HEPH: variants seen among roughly 807,000 people sequenced by gnomAD.
HEPH encodes hephaestin.
In HEPH, 69 loss-of-function variants were observed where a neutral mutation model predicts 80.8. That is an observed-to-expected ratio of 0.85 (90% confidence interval 0.70 to 1.04). HEPH has a LOEUF of 1.04. Ranked by LOEUF, HEPH falls within the 50% of genes least tolerant of loss-of-function variation. The probability of loss-of-function intolerance (pLI) is 0.00; values close to 1 mark genes in which losing one functional copy is unlikely to be tolerated. For missense variants in HEPH, 1,115 were observed against 891.3 expected (o/e 1.25, Z -3.20); for synonymous variants, 431 against 322.8 (o/e 1.34, Z -3.60).
chrX:66,209,065 C>G (rs1850239579), intron 15 of HEPH, among the ~76,000 whole-genome samples: 1 of 111,598 alleles, frequency 9.0e-6, no homozygotes. Flanking sequence ...GTGACAAGAA[C>G]AACTTTAGAA....
chrX:66,204,256 A>G (rs964428415), intron 13 of HEPH, among the ~76,000 whole-genome samples: 1 of 112,112 alleles, frequency 8.9e-6, no homozygotes, highest in Non-Finnish European at 1.9e-5. Flanking sequence ...GGCTGCAAAA[A>G]GAGTCTAAAA....
At chrX:66,213,451 T>C (rs2089242622) in intron 15 of HEPH, among the ~76,000 whole-genome samples, 1 of 111,948 alleles carries the variant, frequency 8.9e-6, no homozygotes, top group Non-Finnish European at 1.9e-5. Context: ...GTGGCACATA[T>C]ACACCATGGA....
rs762461303 is a variant in HEPH at position 66,186,561 on chromosome X, C to T, written c.626-1798C>T. The stretch of plus-strand genomic sequence containing the variant: ...GGCAATGCCTTGCCCTGCTTCGGCT[C>T]GCGCATGGTGCGCACACACACTGGC... On this transcript the variant is annotated intron_variant, in intron 4 of 20. Coordinates refer to ENST00000343002, the MANE Select transcript of HEPH (RefSeq NM_001367233.3). Among the ~76,000 whole-genome samples the T allele has an allele frequency of 3.3e-4, 37 of 112,927 alleles. No individual in the cohort carries two copies. In the South Asian group the frequency reaches 0.012, roughly 37 times the overall value.
chrX:66,216,404 A>G (rs1569348030), intron 15 of HEPH, among the ~76,000 whole-genome samples: 1 of 112,182 alleles, frequency 8.9e-6, no homozygotes, highest in Non-Finnish European at 1.9e-5. Context: ...GACGGATTAT[A>G]TCTCAAGATT....
At chrX:66,230,804 T>G (rs201178266) in intron 15 of HEPH, among the ~76,000 whole-genome samples, 15 of 100,349 alleles carry the variant, frequency 1.5e-4, no homozygotes, top group African/African-American at 1.8e-4. Flanking sequence ...GTCAATTTTG[T>G]CTTTTGTTGC....
In HEPH at chrX:66,234,926, G is replaced by A. The variant is rs1285511671; in HGVS notation, c.2564-20109G>A. ...AGCCTCCTAAAAAGCTGGGATTACA[G>A]GCGTGAACCACCACACCTGGCCATT... On this transcript the variant is annotated intron_variant, in intron 15 of 20. Transcript: ENST00000343002. 3.6e-5 allele frequency among the ~76,000 whole-genome samples: 4 copies of A among 110,875 alleles called. No homozygotes were observed. In the Admixed American group the frequency reaches 3.8e-4, roughly 11 times the overall value.
intron 1 of HEPH, among the ~76,000 whole-genome samples, chrX:66,168,617 G>C (rs753145810): frequency 8.9e-6 from 1 of 112,030 alleles, no homozygotes; most frequent in South Asian, 3.8e-4. Flanking sequence ...GGAGAGGACT[G>C]AGAGTTTGTG....
intron 15 of HEPH, among the ~76,000 whole-genome samples, chrX:66,237,669 T>C (rs1322402853): frequency 1.8e-5 from 2 of 112,241 alleles, no homozygotes; most frequent in Non-Finnish European, 3.8e-5. Flanking sequence ...ACATGTTGAA[T>C]ATCTTTGTTC....
chrX:66,203,696 T>G (rs2088606375), intron 13 of HEPH, 119 bp downstream of exon 13: 1 of 574,788 alleles, frequency 1.7e-6, no homozygotes, highest in Admixed American at 3.5e-5. Flanking sequence ...ACCAACAGAT[T>G]TGGGAGATGG....
intron 10 of HEPH, 73 bp from the exon 11 acceptor site, chrX:66,198,805 C>A: frequency 1.3e-6 from 1 of 790,575 alleles, no homozygotes; most frequent in Admixed American, 2.5e-5. Context: ...ATCCCTTGAT[C>A]TGTAACGACA....
chrX:66,266,686 G>A lies in HEPH; in HGVS notation c.*14G>A. 1 of 1,138,347 alleles carries A rather than the reference G, an allele frequency of 8.8e-7. No homozygotes were observed. The highest frequency in any genetic ancestry group is 1.2e-6 in the Non-Finnish European group (1 of 831,353). 93.8% of individuals were successfully genotyped at this position (1,138,347 alleles called of 1,213,427 possible). A position where few individuals can be genotyped will look rare whatever the true frequency, so the allele number is the denominator to read the frequency against. Reference sequence around the variant, plus strand: ...TTCAAACAGTAACATCTGGAGCCTGGAGATATCCTCAGGAAGCACATCTGT... The same window carrying A: ...TTCAAACAGTAACATCTGGAGCCTGAAGATATCCTCAGGAAGCACATCTGT... On this transcript the variant is annotated 3_prime_UTR_variant, in exon 21 of 21. Coordinates refer to ENST00000343002, the MANE Select transcript of HEPH (RefSeq NM_001367233.3).
At chrX:66,220,823 G>A (rs1307195728) in intron 15 of HEPH, among the ~76,000 whole-genome samples, 2 of 111,109 alleles carry the variant, frequency 1.8e-5, no homozygotes, top group Non-Finnish European at 3.8e-5. Context: ...TGTGGTCATG[G>A]GAGGCTCAGA....
chrX:66,222,398 T>A (rs759862517), intron 15 of HEPH, among the ~76,000 whole-genome samples: 1 of 112,724 alleles, frequency 8.9e-6, no homozygotes, highest in East Asian at 2.8e-4. Flanking sequence ...GCCTCTGGCT[T>A]GCCATGTGCA....
chrX:66,216,426 C>A (rs1177045305), intron 15 of HEPH, among the ~76,000 whole-genome samples: 1 of 112,142 alleles, frequency 8.9e-6, no homozygotes, highest in East Asian at 2.8e-4. Flanking sequence ...TTTGCAGACA[C>A]TCCCCATTGC....
intron 15 of HEPH, among the ~76,000 whole-genome samples, chrX:66,217,758 T>C: frequency 9.0e-6 from 1 of 111,639 alleles, no homozygotes. Flanking sequence ...TAGATACGAA[T>C]TCACCAACTA....
chrX:66,265,343 A>G (rs2091502829), intron 20 of HEPH, among the ~76,000 whole-genome samples: 1 of 111,034 alleles, frequency 9.0e-6, no homozygotes, highest in Non-Finnish European at 1.9e-5. Flanking sequence ...TGTGTGCTGT[A>G]CAAAAAGGGC....
At chrX:66,263,618 C>T (rs777430939) in intron 19 of HEPH, 26 bp from the exon 20 acceptor site, 2 of 1,205,231 alleles carry the variant, frequency 1.7e-6, no homozygotes, top group Non-Finnish European at 2.2e-6. Flanking sequence ...TAAGGCTAAC[C>T]TCTTGTCTTT....
intron 11 of HEPH, among the ~76,000 whole-genome samples, chrX:66,200,162 G>T (rs1474197691): frequency 9.2e-6 from 1 of 108,769 alleles, no homozygotes; most frequent in Non-Finnish European, 1.9e-5. Flanking sequence ...CAATCAGAGT[G>T]GTTGTAAAAG....
chrX:66,200,646 A>T lies in HEPH; in HGVS notation c.1971A>T (p.Gly657=). The T allele has an allele frequency of 8.3e-7, 1 of 1,211,052 alleles. No individual in the cohort carries two copies. Among genetic ancestry groups the T allele is most frequent in the South Asian group, 1.8e-5 (1 of 56,893 alleles). The change falls in exon 12 of 21, where the codon GGA becomes GGT. Residue 657 remains glycine, a synonymous_variant. Transcript: ENST00000343002. ...TGGGCACAGAGACTGATGTGCATGG[A>T]GTCATGTTCCAGGGCAACACTGTGC... ...LGLGTETDVH[G]VMFQGNTVQL...
Sources: allele counts gnomAD v4.1 joint callset (sites outside exome capture counted in the v4.1 genomes callset), GRCh38; gene constraint gnomAD v4.1.1; transcripts MANE v1.5; gene names NCBI Gene and HGNC (gene_info 2026-07-23, HGNC 2026-07-21).